Variants in EPHA5 observed in about 807,000 individuals in gnomAD.
The protein encoded by EPHA5 is ephrin type-A receptor 5.
Under a neutral mutation model 105.0 loss-of-function variants are expected in EPHA5, and 60 were observed. That is an observed-to-expected ratio of 0.57 (90% confidence interval 0.46 to 0.71). The LOEUF is 0.71. EPHA5 is among the 30% of genes least tolerant of loss of function. The probability of loss-of-function intolerance (pLI) is 0.00; values close to 1 mark genes in which losing one functional copy is unlikely to be tolerated. For synonymous variants in EPHA5, 513 were observed against 449.1 expected (o/e 1.14, Z -1.80); for missense variants, 1,218 against 1,274.7 (o/e 0.96, Z 0.68).
At chr4:65,449,570 T>C (rs963770659) in intron 5 of EPHA5, among the ~76,000 whole-genome samples, 3 of 152,222 alleles carry the variant, frequency 2.0e-5, no homozygotes, top group Admixed American at 2.0e-4. Context: ...TATATTCATA[T>C]AACAATTATA....
intron 5 of EPHA5, among the ~76,000 whole-genome samples, chr4:65,456,707 A>G (rs891416935): frequency 3.1e-5 from 4 of 128,144 alleles, no homozygotes; most frequent in African/African-American, 1.2e-4. Flanking sequence ...TGGAAAAATC[A>G]TACAAAATAA....
chr4:65,351,125 A>T (rs1722773832), intron 13 of EPHA5, among the ~76,000 whole-genome samples: 1 of 151,152 alleles, frequency 6.6e-6, no homozygotes, highest in African/African-American at 2.4e-5. Flanking sequence ...TGCTGTATCC[A>T]TTCTGAAGTA....
intron 8 of EPHA5, among the ~76,000 whole-genome samples, chr4:65,395,389 A>C (rs35499406): frequency 0.017 from 2,538 of 152,318 alleles, 41 homozygotes; most frequent in Non-Finnish European, 0.028. Context: ...GTGTCCAAAA[A>C]TGTTTGTAAT....
intron 16 of EPHA5, among the ~76,000 whole-genome samples, chr4:65,330,231 G>T (rs1441642228): frequency 6.6e-6 from 1 of 151,412 alleles, no homozygotes; most frequent in Admixed American, 6.6e-5. Flanking sequence ...CTAGCAAGAG[G>T]CCATAAGCTG....
intron 8 of EPHA5, among the ~76,000 whole-genome samples, chr4:65,392,506 AG>A (rs1355399608): frequency 6.6e-6 from 1 of 152,158 alleles, no homozygotes; most frequent in African/African-American, 2.4e-5. Context: ...ATCATGTTAT[AG>A]ATGCCAAATA....
chr4:65,613,666 T>C (rs1744974523), intron 2 of EPHA5, among the ~76,000 whole-genome samples: 2 of 152,016 alleles, frequency 1.3e-5, no homozygotes, highest in Non-Finnish European at 1.5e-5. Flanking sequence ...CATATGTCTA[T>C]TGCAAATTCC....
intron 4 of EPHA5, among the ~76,000 whole-genome samples, chr4:65,491,409 AAAT>A (rs1420511343): frequency 2.0e-5 from 3 of 152,242 alleles, no homozygotes; most frequent in South Asian, 2.1e-4. Context: ...TTTATTTTAA[AAAT>A]AACCCTGAAA....
chr4:65,346,001 G>A (rs1403504378), intron 14 of EPHA5, among the ~76,000 whole-genome samples: 1 of 151,360 alleles, frequency 6.6e-6, no homozygotes, highest in Non-Finnish European at 1.5e-5. Flanking sequence ...CTGACCTCAC[G>A]ATCCACCCGT....
At chr4:65,425,476 C>T (rs577744607) in intron 5 of EPHA5, among the ~76,000 whole-genome samples, 1 of 152,198 alleles carries the variant, frequency 6.6e-6, no homozygotes, top group Admixed American at 6.5e-5. Context: ...CCAGAAAATT[C>T]TGACTCTGTA....
At chr4:65,499,574 G>T in intron 3 of EPHA5, among the ~76,000 whole-genome samples, 1 of 151,354 alleles carries the variant, frequency 6.6e-6, no homozygotes, top group East Asian at 1.9e-4. Flanking sequence ...CTTTCTTGCC[G>T]TACTCACTTC....
intron 3 of EPHA5, among the ~76,000 whole-genome samples, chr4:65,534,121 A>C (rs6551932): frequency 0.51 from 77,067 of 151,924 alleles, 19,844 homozygotes; most frequent in Non-Finnish European, 0.53. Context: ...TTTACTGGAC[A>C]ATGTATGAAT....
chr4:65,476,295 G>T (rs1312361886), intron 5 of EPHA5, among the ~76,000 whole-genome samples: 1 of 151,942 alleles, frequency 6.6e-6, no homozygotes, highest in Non-Finnish European at 1.5e-5. Context: ...ACTGTGAATT[G>T]CCATTAAATA....
At chr4:65,339,060 T>C (rs1157481686) in intron 14 of EPHA5, among the ~76,000 whole-genome samples, 3 of 152,166 alleles carry the variant, frequency 2.0e-5, no homozygotes, top group African/African-American at 2.4e-5. Flanking sequence ...TCTGAAATAG[T>C]ATAATATGCT....
Position 65,401,893 on chromosome 4 carries a change from ATG to A in EPHA5, c.1793+2479_1793+2480del, listed in dbSNP as rs557964507. On this transcript the variant is annotated intron_variant, in intron 8 of 16. Coordinates refer to ENST00000613740, the MANE Select transcript of EPHA5 (RefSeq NM_001281766.3). ...TTTCAGGTATATATAGAATTTGTGT[ATG>A]TGTGTGTGTGAGAGAGAGAGAGAGA... 1.5e-3 allele frequency among the ~76,000 whole-genome samples: 187 copies of A among 125,974 alleles called. 1 individual carries two copies. Among genetic ancestry groups the A allele is most frequent in the African/African-American group, 7.7e-3 (175 of 22,836 alleles). 82.6% of individuals were successfully genotyped at this position (125,974 alleles called of 152,430 possible).
chr4:65,640,294 T>C (rs1184278231), intron 2 of EPHA5, among the ~76,000 whole-genome samples: 1 of 141,538 alleles, frequency 7.1e-6, no homozygotes, highest in African/African-American at 2.6e-5. Flanking sequence ...TTTTTTTTTT[T>C]TTTTTTTTTG....
chr4:65,326,814 T>C (rs1720124001), intron 16 of EPHA5, among the ~76,000 whole-genome samples: 1 of 151,290 alleles, frequency 6.6e-6, no homozygotes, highest in South Asian at 2.1e-4. Context: ...TAATTCATGA[T>C]TGCTATGTGA....
intron 2 of EPHA5, among the ~76,000 whole-genome samples, chr4:65,612,540 C>T (rs1366634540): frequency 6.6e-6 from 1 of 152,192 alleles, no homozygotes; most frequent in Non-Finnish European, 1.5e-5. Context: ...TCACTGAATA[C>T]ATATGCCACA....
At chr4:65,570,428 C>T (rs907800863) in intron 3 of EPHA5, among the ~76,000 whole-genome samples, 1 of 135,084 alleles carries the variant, frequency 7.4e-6, no homozygotes, top group Non-Finnish European at 1.6e-5. Flanking sequence ...AGTGTGATGG[C>T]CTTGGTTTTT....
intron 9 of EPHA5, 110 bp downstream of exon 9, chr4:65,367,247 A>AC: frequency 1.1e-6 from 1 of 909,868 alleles, no homozygotes; most frequent in Non-Finnish European, 1.6e-6. Flanking sequence ...AAAAAAAAAA[A>AC]AAACAATATT....
Sources: gnomAD v4.1 joint callset for allele counts (sites outside exome capture counted in the v4.1 genomes callset) on GRCh38, gnomAD v4.1.1 for gene constraint, MANE v1.5 for transcripts, NCBI Gene and HGNC (gene_info 2026-07-23, HGNC 2026-07-21) for gene names.